The following KLF12 variants were observed in gnomAD, a reference collection of about 807,000 sequenced individuals.
The protein encoded by KLF12 is KLF transcription factor 12, also known as Krueppel-like factor 12.
Under a neutral mutation model 37.8 loss-of-function variants are expected in KLF12, and 9 were observed. The ratio of observed to expected loss-of-function variants is 0.24; its 90% CI spans 0.14 to 0.42. The LOEUF (loss-of-function observed/expected upper bound fraction) is 0.42, where lower values mean the gene tolerates loss of function less well. KLF12 is among the 10% of genes least tolerant of loss of function. The pLI is 1.00. For missense variants in KLF12, 411 were observed against 516.0 expected, an observed-to-expected ratio of 0.80 and a Z score of 1.97; for synonymous variants, 208 against 202.1, an observed-to-expected ratio of 1.03 and a Z score of -0.25.
chr13:74,174,395 C>T, the KLF12 span, among the ~76,000 whole-genome samples: 112 of 146,584 alleles, frequency 7.6e-4, no homozygotes, highest in African/African-American at 2.3e-3. Flanking sequence ...TGCAGTGGCG[C>T]GAACTCGGGC....
chr13:73,968,782 C>T (rs1336169424), intron 2 of KLF12, among the ~76,000 whole-genome samples: 3 of 152,122 alleles, frequency 2.0e-5, no homozygotes, highest in Non-Finnish European at 4.4e-5. Flanking sequence ...CTATCATCAT[C>T]AGGAACTTAA....
intron 3 of KLF12, among the ~76,000 whole-genome samples, chr13:73,938,480 T>C (rs1890048990): frequency 6.6e-6 from 1 of 152,196 alleles, no homozygotes; most frequent in African/African-American, 2.4e-5. Context: ...ATCCTCTCAA[T>C]TCCAGTGTGG....
rs566877436 is a variant in KLF12, at chr13:73,922,726, C to T, written c.123+21255G>A. 3.3e-5 allele frequency among the ~76,000 whole-genome samples: 5 copies of T among 152,300 alleles called. No homozygotes were observed. In the South Asian group the frequency reaches 6.2e-4, roughly 19 times the overall value. On this transcript the variant is annotated intron_variant, in intron 3 of 7. Coordinates refer to ENST00000377669, the MANE Select transcript of KLF12 (RefSeq NM_007249.5). ...ACACTGACTGGGAGCACACTTTCTG[C>T]ACTGTCCTAGGTATTGTGCAAGGCT... is the stretch of plus-strand genomic sequence containing the variant.
chr13:74,181,124 G>C, the KLF12 span, among the ~76,000 whole-genome samples: 2 of 151,672 alleles, frequency 1.3e-5, no homozygotes, highest in African/African-American at 4.8e-5. Flanking sequence ...TCAGCCTCCC[G>C]AGTAGCTGGG....
intron 6 of KLF12, among the ~76,000 whole-genome samples, chr13:73,719,607 C>CTT (rs967206467): frequency 7.0e-6 from 1 of 143,562 alleles, no homozygotes. Context: ...CCCCGAGTTG[C>CTT]TTTTTTTTTT....
intron 2 of KLF12, among the ~76,000 whole-genome samples, chr13:73,977,313 G>T (rs572453443): frequency 1.6e-4 from 25 of 152,026 alleles, no homozygotes; most frequent in Admixed American, 4.6e-4. Context: ...CCCAGAGCTG[G>T]GATTACAGGG....
At chr13:74,304,514 T>C in the KLF12 span, among the ~76,000 whole-genome samples, 1 of 152,036 alleles carries the variant, frequency 6.6e-6, no homozygotes. Context: ...AAATGGAAAA[T>C]GAGTTATGTT....
chr13:73,793,271 T>C (rs1290839328), intron 5 of KLF12, among the ~76,000 whole-genome samples: 1 of 152,120 alleles, frequency 6.6e-6, no homozygotes, highest in Admixed American at 6.6e-5. Flanking sequence ...TGCCCCCAAA[T>C]AAGATAATCT....
At chr13:73,719,111 CTATGCCTTTCAGA>C (rs1876033716) in intron 6 of KLF12, among the ~76,000 whole-genome samples, 1 of 152,176 alleles carries the variant, frequency 6.6e-6, no homozygotes, top group South Asian at 2.1e-4. Flanking sequence ...TTGGCTAAGC[CTATGCCTTTCAGA>C]ACTGCTGATT....
intron 1 of KLF12, among the ~76,000 whole-genome samples, chr13:74,002,771 TAA>T (rs2138318676): frequency 6.6e-6 from 1 of 152,296 alleles, no homozygotes; most frequent in African/African-American, 2.4e-5. Context: ...TGGCAGGTAA[TAA>T]AAGTCACTGA....
intron 5 of KLF12, among the ~76,000 whole-genome samples, chr13:73,777,718 A>G (rs191840390): frequency 0.015 from 2,285 of 147,464 alleles, 51 homozygotes; most frequent in African/African-American, 0.053. Flanking sequence ...CAAAAAAAAA[A>G]GAAAAAAAAA....
chr13:73,813,312 G>C lies in KLF12; in HGVS notation c.671-25C>G, dbSNP rs143945173. 260 of 1,612,782 alleles carry C rather than the reference G, an allele frequency of 1.6e-4. No individual in the cohort carries two copies. In the African/African-American group the frequency reaches 2.7e-3, roughly 17 times the overall value. On this transcript the variant is annotated intron_variant, in intron 4 of 7. Coordinates refer to ENST00000377669, the MANE Select transcript of KLF12 (RefSeq NM_007249.5). The stretch of plus-strand genomic sequence containing the variant: ...GCTGGAGAGAAAAGGCATATATAAT[G>C]AATTAAAATCAGTGCGCAGAAAGTT...
At chr13:73,792,423 T>A (rs1334030580) in intron 5 of KLF12, among the ~76,000 whole-genome samples, 2 of 152,234 alleles carry the variant, frequency 1.3e-5, no homozygotes, top group Non-Finnish European at 2.9e-5. Context: ...TCTTGCATTT[T>A]GTTTCAATTA....
intron 5 of KLF12, among the ~76,000 whole-genome samples, chr13:73,811,916 C>G (rs1053112917): frequency 1.3e-5 from 2 of 151,990 alleles, no homozygotes; most frequent in African/African-American, 2.4e-5. Flanking sequence ...AATGCAATAC[C>G]AAGGCTCTCT....
the KLF12 span, among the ~76,000 whole-genome samples, chr13:74,143,002 C>T: frequency 6.6e-6 from 1 of 150,958 alleles, no homozygotes; most frequent in Admixed American, 6.6e-5. Context: ...TTCCTTCTTT[C>T]CTTCCTTCCT....
chr13:74,302,933 G>A, the KLF12 span, among the ~76,000 whole-genome samples: 134 of 152,190 alleles, frequency 8.8e-4, no homozygotes, highest in Admixed American at 2.9e-3. Flanking sequence ...TTTCTTGCCT[G>A]AATTAACAGT....
the KLF12 span, among the ~76,000 whole-genome samples, chr13:74,246,954 A>G: frequency 3.3e-5 from 5 of 152,234 alleles, no homozygotes; most frequent in African/African-American, 7.2e-5. Context: ...GCTGTAATTA[A>G]TTTAAAAAGA....
intron 7 of KLF12, among the ~76,000 whole-genome samples, chr13:73,704,642 G>A (rs558762946): frequency 4.7e-4 from 72 of 152,298 alleles, no homozygotes; most frequent in Middle Eastern, 6.8e-3. Flanking sequence ...TATTGTCCAT[G>A]CTGTAGAGAA....
intron 6 of KLF12, among the ~76,000 whole-genome samples, chr13:73,730,886 CAAG>C (rs1171054729): frequency 6.6e-6 from 1 of 152,052 alleles, no homozygotes; most frequent in Non-Finnish European, 1.5e-5. Context: ...TGTTTCCTTA[CAAG>C]AAGTTCAATG....
Sources: gnomAD v4.1 joint callset for allele counts (sites outside exome capture counted in the v4.1 genomes callset) on GRCh38, gnomAD v4.1.1 for gene constraint, MANE v1.5 for transcripts, NCBI Gene and HGNC (gene_info 2026-07-23, HGNC 2026-07-21) for gene names.